GAS2: variants seen among roughly 807,000 people sequenced by gnomAD.
GAS2 encodes growth arrest specific 2.
A neutral mutation model predicts 37.5 loss-of-function variants in GAS2; 20 were observed. The ratio of observed to expected loss-of-function variants is 0.53; its 90% CI spans 0.37 to 0.77. The LOEUF (loss-of-function observed/expected upper bound fraction) is 0.77, where lower values mean the gene tolerates loss of function less well. Ranked by LOEUF, GAS2 falls within the 30% of genes least tolerant of loss-of-function variation. The pLI, the probability that GAS2 is intolerant of heterozygous loss-of-function variation, is 0.00. For missense variants in GAS2, 336 were observed against 373.4 expected, an observed-to-expected ratio of 0.90 and a Z score of 0.82; for synonymous variants, 144 against 132.2, an observed-to-expected ratio of 1.09 and a Z score of -0.61.
chr11:22,703,638 TATGTGTGTGTGG>T (rs1850956859), intron 3 of GAS2, among the ~76,000 whole-genome samples: 1 of 152,250 alleles, frequency 6.6e-6, no homozygotes, highest in East Asian at 1.9e-4. Flanking sequence ...TCACCATATT[TATGTGTGTGTGG>T]TCCAAGGTAT....
chr11:22,698,637 C>T (rs998893706), intron 3 of GAS2, among the ~76,000 whole-genome samples: 1 of 149,646 alleles, frequency 6.7e-6, no homozygotes, highest in African/African-American at 2.5e-5. Context: ...ACTGGCAAAC[C>T]GAATCCAGCA....
At chr11:22,696,984 TTGCTTTTGGTG>T (rs1205160472) in intron 3 of GAS2, among the ~76,000 whole-genome samples, 1 of 150,362 alleles carries the variant, frequency 6.7e-6, no homozygotes, top group East Asian at 1.9e-4. Context: ...TTTGTTGCCA[TTGCTTTTGGTG>T]TTTTAGACAT....
chr11:22,722,291 A>G (rs1226044208), intron 3 of GAS2, among the ~76,000 whole-genome samples: 2 of 152,082 alleles, frequency 1.3e-5, no homozygotes, highest in South Asian at 2.1e-4. Flanking sequence ...CAACCAATGT[A>G]TAAGTATTTT....
chr11:22,731,283 T>G (rs1335374740), intron 4 of GAS2: 1 of 415,906 alleles, frequency 2.4e-6, no homozygotes, highest in Non-Finnish European at 4.8e-6. Context: ...ACACTTTTTT[T>G]GCTTGCTATA....
intron 7 of GAS2, among the ~76,000 whole-genome samples, chr11:22,779,234 C>T (rs1230369806): frequency 2.6e-5 from 4 of 152,064 alleles, no homozygotes; most frequent in Admixed American, 6.5e-5. Flanking sequence ...TCATTTTGTG[C>T]CCATCTCCCT....
intron 7 of GAS2, among the ~76,000 whole-genome samples, chr11:22,756,337 T>C (rs1854040929): frequency 6.6e-6 from 1 of 152,142 alleles, no homozygotes; most frequent in Non-Finnish European, 1.5e-5. Flanking sequence ...TAGAGATACA[T>C]TCCTAGAAAT....
intron 3 of GAS2, among the ~76,000 whole-genome samples, chr11:22,686,731 C>G (rs1314847803): frequency 6.6e-6 from 1 of 151,854 alleles, no homozygotes; most frequent in African/African-American, 2.4e-5. Context: ...GCCTGGGTGA[C>G]AGAGTAGGAC....
chr11:22,755,883 C>A lies in GAS2; in HGVS notation c.653C>A (p.Pro218Gln). ...TCTGAAGATCCTCCTTGCAAATGCC[C>A]AAACAAGTTCTGTGTGGAGCGGCTC... The part of the protein sequence containing the change: ...RISEDPPCKC[P>Q]NKFCVERLSQ... The change falls in exon 7 of 8, where the codon CCA becomes CAA. Residue 218 changes from proline to glutamine, a missense_variant. Coordinates refer to ENST00000454584, the MANE Select transcript of GAS2 (RefSeq NM_001143830.3). 3.7e-6 allele frequency: 6 copies of A among 1,612,942 alleles called. No homozygotes were observed. The highest frequency in any genetic ancestry group is 4.2e-6 in the Non-Finnish European group (5 of 1,179,220).
intron 7 of GAS2, among the ~76,000 whole-genome samples, chr11:22,796,009 A>G (rs1457826080): frequency 6.6e-6 from 1 of 152,140 alleles, no homozygotes; most frequent in Non-Finnish European, 1.5e-5. Flanking sequence ...ATACCCATGT[A>G]ACTCCCAAAT....
intron 7 of GAS2, among the ~76,000 whole-genome samples, chr11:22,774,833 A>G (rs1855169701): frequency 6.6e-6 from 1 of 152,090 alleles, no homozygotes; most frequent in African/African-American, 2.4e-5. Flanking sequence ...GCAGAAAGTC[A>G]TGTCTGAGAT....
At chr11:22,782,434 G>A (rs1554908035) in intron 7 of GAS2, among the ~76,000 whole-genome samples, 1 of 152,192 alleles carries the variant, frequency 6.6e-6, no homozygotes, top group Non-Finnish European at 1.5e-5. Context: ...TTTAGAATCA[G>A]AGAGTATATG....
intron 5 of GAS2, among the ~76,000 whole-genome samples, chr11:22,744,450 A>C (rs1853261881): frequency 1.3e-5 from 2 of 152,304 alleles, no homozygotes; most frequent in South Asian, 4.1e-4. Context: ...TTAATTCCCC[A>C]TGATCCAGTA....
intron 7 of GAS2, among the ~76,000 whole-genome samples, chr11:22,765,222 A>G (rs1854623372): frequency 6.6e-6 from 1 of 152,156 alleles, no homozygotes; most frequent in Non-Finnish European, 1.5e-5. Flanking sequence ...TGTATATTAT[A>G]CAGATAGACA....
chr11:22,811,131 A>G (rs1471119051), intron 7 of GAS2, among the ~76,000 whole-genome samples: 1 of 152,178 alleles, frequency 6.6e-6, no homozygotes, highest in Non-Finnish European at 1.5e-5. Context: ...ATTTAAATCA[A>G]TAACCTTGTT....
At chr11:22,740,578 T>C (rs1853020492) in intron 5 of GAS2, among the ~76,000 whole-genome samples, 1 of 152,196 alleles carries the variant, frequency 6.6e-6, no homozygotes, top group African/African-American at 2.4e-5. Flanking sequence ...TAAGAATGTC[T>C]TAAGTTTCTC....
intron 1 of GAS2, among the ~76,000 whole-genome samples, chr11:22,672,909 A>G (rs552997280): frequency 1.4e-4 from 22 of 152,210 alleles, no homozygotes; most frequent in Non-Finnish European, 2.5e-4. Context: ...GGATAACATC[A>G]TTATTAACTA....
At position 22,640,897 on chromosome 11, in the gene GAS2, A is replaced by T. The variant is rs145149109; in HGVS notation, c.-21+15084A>T. Among the ~76,000 whole-genome samples, 44 of 152,268 alleles carry T rather than the reference A, an allele frequency of 2.9e-4. No individual in the cohort carries two copies. In the East Asian group the frequency reaches 7.1e-3, roughly 25 times the overall value. ...AAGAAAAGGGGGCAAAAGAAAGGGC[A>T]TTGTAATTCAAATTAGTGTGTCCTA... On this transcript the variant is annotated intron_variant, in intron 1 of 5. Coordinates refer to the GAS2 transcript ENST00000528582.
chr11:22,700,472 A>G (rs1051559302), intron 3 of GAS2, among the ~76,000 whole-genome samples: 4 of 152,172 alleles, frequency 2.6e-5, no homozygotes, highest in African/African-American at 9.6e-5. Flanking sequence ...GAATTTTAGA[A>G]TGGTCTAGGG....
At chr11:22,682,663 A>G (rs1849736277) in intron 2 of GAS2, among the ~76,000 whole-genome samples, 1 of 151,990 alleles carries the variant, frequency 6.6e-6, no homozygotes, top group African/African-American at 2.4e-5. Flanking sequence ...GCAGATCACT[A>G]GGTCAACAGA....
Sources: allele counts gnomAD v4.1 joint callset (sites outside exome capture counted in the v4.1 genomes callset), GRCh38; gene constraint gnomAD v4.1.1; transcripts MANE v1.5; gene names NCBI Gene and HGNC (gene_info 2026-07-23, HGNC 2026-07-21).